PARD3B: variants seen among roughly 807,000 people sequenced by gnomAD.
PARD3B encodes partitioning defective 3 homolog B.
In PARD3B, 103 loss-of-function variants were observed where a neutral mutation model predicts 130.2. The ratio of observed to expected loss-of-function variants is 0.79; its 90% CI spans 0.67 to 0.93. PARD3B has a LOEUF of 0.93. PARD3B is among the 40% of genes least tolerant of loss of function. The pLI is 0.00. For missense variants in PARD3B, 1,609 were observed against 1,499.2 expected (o/e 1.07, Z -1.21); for synonymous variants, 583 against 553.2 (o/e 1.05, Z -0.76).
At chr2:204,981,517 A>C (rs568914336) in intron 3 of PARD3B, among the ~76,000 whole-genome samples, 1 of 152,332 alleles carries the variant, frequency 6.6e-6, no homozygotes, top group South Asian at 2.1e-4. Context: ...GGCCAAGCAT[A>C]TGTGGCTATA....
Position 205,265,328 on chromosome 2 carries a change from C to A in PARD3B, c.2185+19506C>A, listed in dbSNP as rs1379259874. On this transcript the variant is annotated intron_variant, in intron 16 of 22. Transcript: ENST00000406610. The surrounding 1 kb of genome is among the most constrained non-coding windows in gnomAD (Gnocchi z 4.3). ...TGGAATCGATGCACTTTCAAGTTGG[C>A]GGATCTGATCATCAGTCTCTAAATG... Among the ~76,000 whole-genome samples the A allele has an allele frequency of 1.3e-5, 2 of 151,932 alleles. No homozygotes were observed. The highest frequency in any genetic ancestry group is 4.8e-5 in the African/African-American group (2 of 41,382).
intron 3 of PARD3B, among the ~76,000 whole-genome samples, chr2:205,036,761 C>T (rs1253275649): frequency 6.8e-6 from 1 of 147,828 alleles, no homozygotes; most frequent in Non-Finnish European, 1.5e-5. Flanking sequence ...ACACAGCGGA[C>T]TGTATGTACA....
At chr2:205,243,215 AC>A (rs35086037) in intron 15 of PARD3B, among the ~76,000 whole-genome samples, 54 of 152,042 alleles carry the variant, frequency 3.6e-4, no homozygotes, top group Non-Finnish European at 6.6e-4. Context: ...CTGGCATTCA[AC>A]CCACATCTGT....
At position 205,015,827 on chromosome 2, in the gene PARD3B, T is replaced by C. The variant is rs1027620706; in HGVS notation, c.395-31754T>C. 2.0e-5 allele frequency among the ~76,000 whole-genome samples: 3 copies of C among 152,188 alleles called. No individual in the cohort carries two copies. Among genetic ancestry groups the C allele is most frequent in the Non-Finnish European group, 2.9e-5 (2 of 68,034 alleles). ...AGCTGTTCAATGAGTTATGAGTGAA[T>C]GAATGAAAGAATGGGTTTATTTTCC... On this transcript the variant is annotated intron_variant, in intron 3 of 22. Coordinates refer to ENST00000406610, the MANE Select transcript of PARD3B (RefSeq NM_001302769.2). This position sits in a 1 kb window ranked among gnomAD's most constrained non-coding sequence, Gnocchi z 4.5.
At chr2:204,578,222 G>T (rs1559166034) in intron 1 of PARD3B, among the ~76,000 whole-genome samples, 1 of 152,166 alleles carries the variant, frequency 6.6e-6, no homozygotes, top group Non-Finnish European at 1.5e-5. Flanking sequence ...TTAGGCTGAA[G>T]AGTAACAAGG....
chr2:205,607,556 T>C (rs931447528), intron 22 of PARD3B, among the ~76,000 whole-genome samples: 20 of 152,178 alleles, frequency 1.3e-4, no homozygotes, highest in African/African-American at 3.6e-4. Flanking sequence ...AACATTGTTA[T>C]GAGGAATAAA....
At chr2:205,205,698 G>A (rs557923153) in intron 15 of PARD3B, among the ~76,000 whole-genome samples, 3 of 152,180 alleles carry the variant, frequency 2.0e-5, no homozygotes, top group Non-Finnish European at 4.4e-5. Flanking sequence ...CATCTGTTGA[G>A]ATAATCATGT....
intron 3 of PARD3B, among the ~76,000 whole-genome samples, chr2:205,036,490 CATATAGCAGACTATATATAAAAAATATAT>C (rs1697904547): frequency 4.1e-5 from 6 of 146,706 alleles, no homozygotes; most frequent in African/African-American, 1.5e-4. Flanking sequence ...TATATAAAAA[CATATAGCAGACTATATATAAAAAATATAT>C]ATATAGCAGA....
chr2:205,037,431 G>T lies in PARD3B; in HGVS notation c.395-10150G>T, dbSNP rs557414047. Among the ~76,000 whole-genome samples the T allele has an allele frequency of 1.7e-3, 251 of 146,566 alleles. 3 individuals carry two copies. Among genetic ancestry groups the T allele is most frequent in the African/African-American group, 6.1e-3 (245 of 40,294 alleles). ...CTATATGTATAAAATATATATAGTG[G>T]ACTATATGCATAAAATATATATGGT... On this transcript the variant is annotated intron_variant, in intron 3 of 22. Transcript: ENST00000406610.
chr2:204,914,442 T>A (rs1321870866), intron 2 of PARD3B, among the ~76,000 whole-genome samples: 1 of 152,144 alleles, frequency 6.6e-6, no homozygotes, highest in Non-Finnish European at 1.5e-5. Flanking sequence ...TCTTCTTGTC[T>A]AATGACAGTG....
At chr2:205,082,927 T>TC (rs1701508205) in intron 4 of PARD3B, among the ~76,000 whole-genome samples, 1 of 151,014 alleles carries the variant, frequency 6.6e-6, no homozygotes, top group Non-Finnish European at 1.5e-5. Context: ...ATCTTTTTTT[T>TC]TTTTTTTTTT....
rs550510920 is a variant in PARD3B at position 204,664,688 on chromosome 2, G to C, written c.121-21493G>C. ...TAGGCAAATAGCTTTTGAGAATTTG[G>C]ACTCATTAGCAGGGCTTATTTCTTT... On this transcript the variant is annotated intron_variant, in intron 1 of 22. Transcript: ENST00000406610. This position sits in a 1 kb window ranked among gnomAD's most constrained non-coding sequence, Gnocchi z 5.2. Among the ~76,000 whole-genome samples, 1 of 152,226 alleles carries C rather than the reference G, an allele frequency of 6.6e-6. No homozygotes were observed. Among genetic ancestry groups the C allele is most frequent in the South Asian group, 2.1e-4 (1 of 4,822 alleles).
intron 3 of PARD3B, among the ~76,000 whole-genome samples, chr2:204,990,444 T>C (rs1693560587): frequency 6.6e-6 from 1 of 152,138 alleles, no homozygotes; most frequent in Admixed American, 6.5e-5. Context: ...ATACAACAAA[T>C]TATTGTTAAC....
At chr2:204,736,497 A>T (rs2039762049) in intron 2 of PARD3B, among the ~76,000 whole-genome samples, 1 of 152,090 alleles carries the variant, frequency 6.6e-6, no homozygotes, top group Non-Finnish European at 1.5e-5. Context: ...CTCATAGCTT[A>T]ACTTCCACTA....
intron 2 of PARD3B, among the ~76,000 whole-genome samples, chr2:204,715,494 T>A (rs928146530): frequency 3.9e-5 from 6 of 152,070 alleles, no homozygotes; most frequent in African/African-American, 1.4e-4. Context: ...CTTTTTTTTT[T>A]TTTTTCTGCT....
intron 22 of PARD3B, among the ~76,000 whole-genome samples, chr2:205,583,067 AT>A (rs1464039605): frequency 3.3e-5 from 5 of 152,160 alleles, no homozygotes; most frequent in African/African-American, 1.2e-4. Flanking sequence ...GTTGTTCTTG[AT>A]TTAGGGAGAT....
chr2:205,033,491 G>C (rs553117933), intron 3 of PARD3B, among the ~76,000 whole-genome samples: 1 of 151,904 alleles, frequency 6.6e-6, no homozygotes, highest in African/African-American at 2.4e-5. Context: ...TTTTCTAACC[G>C]TATTCTGTAG....
chr2:204,770,461 G>GA (rs930923991), intron 2 of PARD3B, among the ~76,000 whole-genome samples: 3 of 150,758 alleles, frequency 2.0e-5, no homozygotes, highest in Admixed American at 6.7e-5. Flanking sequence ...GTGTGGTGCT[G>GA]AAAAAAATGT....
chr2:204,986,213 G>A (rs542212552), intron 3 of PARD3B, among the ~76,000 whole-genome samples: 11 of 150,470 alleles, frequency 7.3e-5, no homozygotes, highest in Non-Finnish European at 1.6e-4. Context: ...ACTTCACTTA[G>A]ACCTGTGTGT....
Sources: allele counts gnomAD v4.1 joint callset (sites outside exome capture counted in the v4.1 genomes callset), GRCh38; gene constraint gnomAD v4.1.1; non-coding constraint Gnocchi (gnomAD v3.1); transcripts MANE v1.5; gene names NCBI Gene and HGNC (gene_info 2026-07-23, HGNC 2026-07-21).